Variants in SLC52A3 observed in about 807,000 individuals in gnomAD.
SLC52A3 encodes solute carrier family 52, riboflavin transporter, member 3.
A neutral mutation model predicts 29.5 loss-of-function variants in SLC52A3; 20 were observed. The ratio of observed to expected loss-of-function variants is 0.68; its 90% CI spans 0.48 to 0.99. The LOEUF (loss-of-function observed/expected upper bound fraction) is 0.99, where lower values mean the gene tolerates loss of function less well. Ranked by LOEUF, SLC52A3 falls within the 50% of genes least tolerant of loss-of-function variation. The pLI, the probability that SLC52A3 is intolerant of heterozygous loss-of-function variation, is 0.00. For synonymous variants in SLC52A3, 301 were observed against 271.0 expected, an observed-to-expected ratio of 1.11 and a Z score of -1.09; for missense variants, 548 against 612.9, an observed-to-expected ratio of 0.89 and a Z score of 1.12.
At chr20:779,628 A>C (rs576085049), upstream of SLC52A3, among the ~76,000 whole-genome samples, 1 of 152,358 alleles carries the variant, frequency 6.6e-6, no homozygotes, top group African/African-American at 2.4e-5. Context: ...TAAAGAAAAC[A>C]AAAACAAGAG....
chr20:769,725 C>T (rs191265896), upstream of SLC52A3, among the ~76,000 whole-genome samples: 10 of 152,168 alleles, frequency 6.6e-5, no homozygotes, highest in East Asian at 1.7e-3. Flanking sequence ...GGCAAAACCC[C>T]GTCTCTACTA....
Position 761,152 on chromosome 20 carries a change from G to T in SLC52A3, c.1284C>A (p.Ala428=). The stretch of plus-strand genomic sequence containing the variant: ...GCACCGCCGCCCCGCACCACAAGAG[G>T]GCGCTGCGGCTGAGGTCGCGCAGGA... The part of the protein sequence containing the change: ...GVVLRDLSRS[A]LLWCGAAVQL... Residue 428 remains alanine, a synonymous_variant, in exon 5 of 5, where the codon GCC becomes GCA. Transcript: ENST00000645534. 1 of 1,585,676 alleles carries T rather than the reference G, an allele frequency of 6.3e-7. No homozygotes were observed. Among genetic ancestry groups the T allele is most frequent in the East Asian group, 2.3e-5 (1 of 43,020 alleles).
intron 4 of SLC52A3, 137 bp downstream of exon 4, chr20:761,564 C>A: frequency 7.6e-7 from 1 of 1,320,668 alleles, no homozygotes; most frequent in South Asian, 1.3e-5. Context: ...GAGGAAGGGG[C>A]GCTTCCCCCA....
Position 765,886 on chromosome 20 carries a change from C to G in SLC52A3, c.-51-61G>C. 2 of 1,070,932 alleles carry G rather than the reference C, an allele frequency of 1.9e-6. No homozygotes were observed. Among genetic ancestry groups the G allele is most frequent in the Non-Finnish European group, 2.8e-6 (2 of 716,556 alleles). 66.3% of individuals were successfully genotyped at this position (1,070,932 alleles called of 1,614,324 possible). On this transcript the variant is annotated intron_variant, in intron 1 of 4. Coordinates refer to ENST00000645534, the MANE Select transcript of SLC52A3 (RefSeq NM_033409.4). This position sits in a 1 kb window ranked among gnomAD's most constrained non-coding sequence, Gnocchi z 6.6. ...TTCACCACCTAGCAAGATGCTGGGACCTGGGGCCCAGAGTTTTCTCTTATT... is the reference window on the plus strand; with the variant it reads ...TTCACCACCTAGCAAGATGCTGGGAGCTGGGGCCCAGAGTTTTCTCTTATT...
chr20:761,097 T>G lies in SLC52A3; in HGVS notation c.1339A>C (p.Met447Leu), dbSNP rs371883183. The G allele has an allele frequency of 1.2e-6, 2 of 1,608,098 alleles. No homozygotes were observed. Among genetic ancestry groups the G allele is most frequent in the Non-Finnish European group, 1.7e-6 (2 of 1,177,986 alleles). ...CGCAGCACGTTGACCAGAGGGAACA[T>G]GAGCAGCGCTCCGAGCAGCGAGCCC... ...QLGSLLGALL[M>L]FPLVNVLRLF... Residue 447 changes from methionine (M) to leucine (L), a missense_variant, in exon 5 of 5, where the codon ATG (methionine) becomes CTG (leucine). Physicochemically the swap from Met to Leu is conservative, Grantham distance 15. This residue lies in a region of SLC52A3 where 173 missense variants were observed against 141.8 expected (regional missense o/e 1.22). Transcript: ENST00000645534.
upstream of SLC52A3, among the ~76,000 whole-genome samples, chr20:776,992 T>C (rs939261272): frequency 4.6e-5 from 7 of 152,050 alleles, no homozygotes; most frequent in African/African-American, 1.4e-4. Context: ...TCCCAGCACT[T>C]TGGGAGGCCG....
chr20:766,890 A>C (rs1986704750), intron 1 of SLC52A3, among the ~76,000 whole-genome samples: 1 of 152,224 alleles, frequency 6.6e-6, no homozygotes. Flanking sequence ...AAAAGGTACA[A>C]ATAAGCTTTA....
upstream of SLC52A3, among the ~76,000 whole-genome samples, chr20:777,890 A>G (rs143541356): frequency 8.5e-5 from 13 of 152,330 alleles, no homozygotes; most frequent in Non-Finnish European, 1.8e-4. Flanking sequence ...CTGCAGACAC[A>G]GGAGTAGCTC....
upstream of SLC52A3, among the ~76,000 whole-genome samples, chr20:777,833 C>T (rs766881242): frequency 5.3e-5 from 8 of 152,072 alleles, no homozygotes; most frequent in Non-Finnish European, 1.2e-4. Context: ...ATGTGCCACC[C>T]CCAAATACAC....
intron 2 of SLC52A3, 41 bp from the exon 3 acceptor site, chr20:764,044 C>G (rs771529871): frequency 1.7e-5 from 26 of 1,510,276 alleles, no homozygotes; most frequent in Non-Finnish European, 2.3e-5. Flanking sequence ...GGGAGGGGAT[C>G]AGGCTGCAGA....
chr20:777,016 A>G (rs1987061259), upstream of SLC52A3, among the ~76,000 whole-genome samples: 1 of 152,044 alleles, frequency 6.6e-6, no homozygotes, highest in Non-Finnish European at 1.5e-5. Context: ...CGGGTGGATT[A>G]CCTGAGGTCA....
Position 765,440 on chromosome 20 carries a change from G to C in SLC52A3, c.335C>G (p.Thr112Ser). ...GHHSIAFLVL[T>S]FFLALVDCTS... The stretch of plus-strand genomic sequence containing the variant: ...GCAGTCCACCAGGGCCAGGAAGAAG[G>C]TGAGGACCAAGAAGGCGATGCTGTG... Residue 112 changes from threonine (T) to serine (S), a missense_variant, in exon 2 of 5, where the codon ACC becomes AGC. By Grantham distance (58) the Thr-to-Ser change is moderately conservative. This residue lies in a region of SLC52A3 where 375 missense variants were observed against 471.1 expected (regional missense o/e 0.80). Transcript: ENST00000645534. This position sits in a 1 kb window ranked among gnomAD's most constrained non-coding sequence, Gnocchi z 6.6. 1 of 1,612,956 alleles carries C rather than the reference G, an allele frequency of 6.2e-7. No homozygotes were observed. Among genetic ancestry groups the C allele is most frequent in the South Asian group, 1.1e-5 (1 of 90,926 alleles).
intron 3 of SLC52A3, 48 bp from the exon 4 acceptor site, chr20:761,872 G>C: frequency 6.2e-7 from 1 of 1,613,126 alleles, no homozygotes; most frequent in Non-Finnish European, 8.5e-7. Flanking sequence ...CCTGACCTCT[G>C]ACCCCCCCGC....
chr20:773,818 A>C (rs1014529306), intron 1 of SLC52A3, among the ~76,000 whole-genome samples: 4 of 152,162 alleles, frequency 2.6e-5, no homozygotes, highest in African/African-American at 9.7e-5. Context: ...CCAGCCCAAG[A>C]AAGTGAAGAG....
Position 760,189 on chromosome 20 carries a change from G to A in SLC52A3, c.*837C>T, listed in dbSNP as rs1053018. The A allele has an allele frequency of 2.0e-5, 3 of 152,146 alleles. No homozygotes were observed. Among genetic ancestry groups the A allele is most frequent in the Non-Finnish European group, 4.4e-5 (3 of 68,026 alleles). 9.4% of individuals were successfully genotyped at this position (152,146 alleles called of 1,614,324 possible). A position where few individuals can be genotyped will look rare whatever the true frequency, so the allele number is the denominator to read the frequency against. On this transcript the variant is annotated 3_prime_UTR_variant, in exon 5 of 5. Transcript: ENST00000645534. This position sits in a 1 kb window ranked among gnomAD's most constrained non-coding sequence, Gnocchi z 4.9. ...GAGAATACTTCCAGGGGCTCTGCAT[G>A]TCTGGTCCCCAACCTGGTCGGGGAG...
chr20:776,742 A>G (rs1245654960), upstream of SLC52A3, among the ~76,000 whole-genome samples: 1 of 151,730 alleles, frequency 6.6e-6, no homozygotes, highest in African/African-American at 2.4e-5. Context: ...TTTCAAAGGC[A>G]GTATAGGGGA....
chr20:775,197 G>A (rs777395578), intron 1 of SLC52A3, among the ~76,000 whole-genome samples: 1 of 151,768 alleles, frequency 6.6e-6, no homozygotes. Flanking sequence ...AGGCTCCTGC[G>A]GCTTCAGCCT....
upstream of SLC52A3, among the ~76,000 whole-genome samples, chr20:771,384 G>T (rs1027006720): frequency 6.6e-6 from 1 of 152,120 alleles, no homozygotes; most frequent in Admixed American, 6.6e-5. Flanking sequence ...CCAAGAGCAC[G>T]CCAGTGCACT....
upstream of SLC52A3, among the ~76,000 whole-genome samples, chr20:777,719 G>C (rs1987102028): frequency 6.6e-6 from 1 of 152,204 alleles, no homozygotes; most frequent in South Asian, 2.1e-4. Flanking sequence ...AGGCACTAGG[G>C]AAGGGGCCAG....
Sources: allele counts gnomAD v4.1 joint callset (sites outside exome capture counted in the v4.1 genomes callset), GRCh38; gene constraint gnomAD v4.1.1; regional missense constraint gnomAD v4.1.1; non-coding constraint Gnocchi (gnomAD v3.1); transcripts MANE v1.5; gene names NCBI Gene and HGNC (gene_info 2026-07-23, HGNC 2026-07-21).